The following BLTP3B variants were observed in gnomAD, a reference collection of about 807,000 sequenced individuals.
BLTP3B encodes bridge-like lipid transfer protein family member 3B.
the BLTP3B span, among the ~76,000 whole-genome samples, chr12:100,089,395 C>A: frequency 3.9e-5 from 6 of 151,972 alleles, no homozygotes; most frequent in Non-Finnish European, 8.8e-5. Context: ...CCCATTTCTA[C>A]TAAAAATATA....
chr12:100,047,417 G>C, the BLTP3B span: 14 of 713,278 alleles, frequency 2.0e-5, no homozygotes, highest in Admixed American at 1.5e-4. Context: ...AGAATCACTC[G>C]AACCAGGGAG....
the BLTP3B span, chr12:100,058,056 C>T: frequency 1.9e-6 from 3 of 1,575,626 alleles, no homozygotes; most frequent in Non-Finnish European, 2.6e-6. Flanking sequence ...TTTAAGTGTT[C>T]TAACTGGGGG....
chr12:100,070,718 G>A, the BLTP3B span, among the ~76,000 whole-genome samples: 1 of 152,132 alleles, frequency 6.6e-6, no homozygotes, highest in Non-Finnish European at 1.5e-5. Context: ...AATAGGGTGG[G>A]TGCGGTGGCT....
At chr12:100,066,780 G>A in the BLTP3B span, among the ~76,000 whole-genome samples, 4 of 151,842 alleles carry the variant, frequency 2.6e-5, no homozygotes, top group East Asian at 1.9e-4. Context: ...CTCCAGCCTA[G>A]GCGACAGAGC....
At chr12:100,050,349 T>C in the BLTP3B span, 1 of 1,566,588 alleles carries the variant, frequency 6.4e-7, no homozygotes. Flanking sequence ...AATATTAGTA[T>C]GCCAAGCAGT....
At chr12:100,105,413 C>G in the BLTP3B span, among the ~76,000 whole-genome samples, 1 of 152,000 alleles carries the variant, frequency 6.6e-6, no homozygotes, top group Non-Finnish European at 1.5e-5. Flanking sequence ...TGATCTTTGA[C>G]AAAGCATACA....
the BLTP3B span, chr12:100,059,570 A>G: frequency 6.5e-7 from 1 of 1,530,114 alleles, no homozygotes; most frequent in South Asian, 1.3e-5. Flanking sequence ...TCCAACTGGC[A>G]AATCCATACA....
At chr12:100,103,093 G>T in the BLTP3B span, among the ~76,000 whole-genome samples, 1 of 152,060 alleles carries the variant, frequency 6.6e-6, no homozygotes, top group South Asian at 2.1e-4. Flanking sequence ...TGTATTACAG[G>T]TGTTGGGGGG....
chr12:100,071,275 C>A, the BLTP3B span, among the ~76,000 whole-genome samples: 1 of 151,982 alleles, frequency 6.6e-6, no homozygotes, highest in Admixed American at 6.6e-5. Flanking sequence ...GGTAGGCAGA[C>A]CACTTGAGGC....
chr12:100,038,152 T>A, the BLTP3B span, among the ~76,000 whole-genome samples: 4 of 152,160 alleles, frequency 2.6e-5, no homozygotes, highest in Non-Finnish European at 5.9e-5. Flanking sequence ...CTTTTCATCT[T>A]TTCTTCTACT....
At chr12:100,063,082 G>A in the BLTP3B span, among the ~76,000 whole-genome samples, 33 of 152,284 alleles carry the variant, frequency 2.2e-4, no homozygotes, top group South Asian at 4.1e-3. Flanking sequence ...GGCAGGACTA[G>A]TTTGCAGCTC....
the BLTP3B span, among the ~76,000 whole-genome samples, chr12:100,052,704 A>C: frequency 6.6e-6 from 1 of 152,060 alleles, no homozygotes; most frequent in African/African-American, 2.4e-5. Flanking sequence ...ATTTTAACTT[A>C]ATAGCCTTAA....
the BLTP3B span, among the ~76,000 whole-genome samples, chr12:100,116,462 A>AAAAG: frequency 5.4e-3 from 809 of 151,178 alleles, 8 homozygotes; most frequent in African/African-American, 0.018. Context: ...AAAAAAAAAA[A>AAAAG]AAAAGAAAAG....
chr12:100,105,835 C>G, the BLTP3B span, among the ~76,000 whole-genome samples: 1 of 151,886 alleles, frequency 6.6e-6, no homozygotes, highest in Non-Finnish European at 1.5e-5. Context: ...TATTCAGAAT[C>G]TACAAGGAAC....
the BLTP3B span, among the ~76,000 whole-genome samples, chr12:100,090,078 T>C: frequency 6.6e-6 from 1 of 152,216 alleles, no homozygotes; most frequent in African/African-American, 2.4e-5. Context: ...GAACTGTAAG[T>C]AGATTGCCCT....
chr12:100,059,838 T>C, the BLTP3B span: 7 of 1,598,848 alleles, frequency 4.4e-6, no homozygotes, highest in East Asian at 1.6e-4. Context: ...CTACTACTTG[T>C]TTGTATGATA....
the BLTP3B span, chr12:100,108,282 C>T: frequency 8.1e-6 from 10 of 1,228,446 alleles, no homozygotes; most frequent in Non-Finnish European, 1.0e-5. Flanking sequence ...AATGTTTTTA[C>T]ACAATTATCT....
chr12:100,097,516 C>T, the BLTP3B span: 2 of 1,594,964 alleles, frequency 1.3e-6, no homozygotes, highest in East Asian at 2.3e-5. Context: ...CTAAGGAGAA[C>T]ACAGAGATTA....
chr12:100,133,894 A>T, the BLTP3B span, among the ~76,000 whole-genome samples: 2 of 152,248 alleles, frequency 1.3e-5, no homozygotes, highest in South Asian at 4.1e-4. Context: ...TCACATTCAT[A>T]TAACTTTTAT....
Sources: gnomAD v4.1 joint callset for allele counts (sites outside exome capture counted in the v4.1 genomes callset) on GRCh38, gnomAD v4.1.1 for gene constraint, MANE v1.5 for transcripts, NCBI Gene and HGNC (gene_info 2026-07-23, HGNC 2026-07-21) for gene names.